The following SH3RF3 variants were observed in gnomAD, a reference collection of about 807,000 sequenced individuals.
The protein encoded by SH3RF3 is E3 ubiquitin-protein ligase SH3RF3.
SH3RF3 carries 29 observed loss-of-function variants against 66.3 expected under a neutral mutation model. That is an observed-to-expected ratio of 0.44 (90% CI 0.33 to 0.60). The LOEUF is 0.60. Ranked by LOEUF, SH3RF3 falls within the 20% of genes least tolerant of loss-of-function variation. The pLI, the probability that SH3RF3 is intolerant of heterozygous loss-of-function variation, is 0.04. For synonymous variants in SH3RF3, 583 were observed against 532.0 expected (o/e 1.10, Z -1.32); for missense variants, 1,194 against 1,190.9 (o/e 1.00, Z -0.04).
At chr2:109,320,719 A>G (rs1293955272) in intron 1 of SH3RF3, among the ~76,000 whole-genome samples, 1 of 152,238 alleles carries the variant, frequency 6.6e-6, no homozygotes, top group East Asian at 1.9e-4. Context: ...AGCCCCGCAG[A>G]TGAACAGACA....
intron 3 of SH3RF3, among the ~76,000 whole-genome samples, chr2:109,374,289 T>C (rs906776011): frequency 4.6e-5 from 7 of 152,256 alleles, no homozygotes; most frequent in Admixed American, 2.6e-4. Flanking sequence ...CATGCAGTAC[T>C]GGGCTCCACG....
chr2:109,394,497 C>T (rs1676088100), intron 3 of SH3RF3, among the ~76,000 whole-genome samples: 1 of 152,212 alleles, frequency 6.6e-6, no homozygotes, highest in Admixed American at 6.5e-5. Flanking sequence ...CACACCTGCA[C>T]AGGTACCAGG....
intron 1 of SH3RF3, among the ~76,000 whole-genome samples, chr2:109,191,253 GT>G (rs2105023373): frequency 6.6e-6 from 1 of 152,294 alleles, no homozygotes; most frequent in South Asian, 2.1e-4. Flanking sequence ...CGGGAAGGTT[GT>G]TTCTGACATC....
intron 1 of SH3RF3, among the ~76,000 whole-genome samples, chr2:109,288,384 A>G (rs1228174636): frequency 2.6e-5 from 4 of 152,198 alleles, no homozygotes; most frequent in African/African-American, 7.2e-5. Flanking sequence ...ATTCTCATCT[A>G]AAGACCAGTT....
chr2:109,268,504 T>C (rs973701815), intron 1 of SH3RF3, among the ~76,000 whole-genome samples: 1 of 152,134 alleles, frequency 6.6e-6, no homozygotes, highest in Non-Finnish European at 1.5e-5. Context: ...CCAAGCAACC[T>C]CTGTCCAGCA....
chr2:109,365,050 T>A (rs1360095782), intron 2 of SH3RF3, among the ~76,000 whole-genome samples: 1 of 121,018 alleles, frequency 8.3e-6, no homozygotes, highest in South Asian at 2.9e-4. Context: ...CACACACATA[T>A]AAAACAAACA....
chr2:109,343,744 CTT>C (rs35606755), intron 1 of SH3RF3, among the ~76,000 whole-genome samples: 2 of 143,766 alleles, frequency 1.4e-5, no homozygotes, highest in African/African-American at 2.6e-5. Context: ...CCCTGGTTTC[CTT>C]TTTTTTTTTT....
At chr2:109,407,734 G>A (rs1463248810) in intron 4 of SH3RF3, among the ~76,000 whole-genome samples, 1 of 117,344 alleles carries the variant, frequency 8.5e-6, no homozygotes, top group East Asian at 2.3e-4. Flanking sequence ...TACCAAGTGA[G>A]CCTGGGATGA....
intron 2 of SH3RF3, among the ~76,000 whole-genome samples, chr2:109,364,736 A>T (rs1423202042): frequency 6.6e-6 from 1 of 152,146 alleles, no homozygotes; most frequent in Non-Finnish European, 1.5e-5. Context: ...GTGAAACAGG[A>T]TGGCTACAGT....
intron 2 of SH3RF3, among the ~76,000 whole-genome samples, chr2:109,364,414 C>T (rs984425301): frequency 2.0e-5 from 3 of 152,200 alleles, no homozygotes; most frequent in Non-Finnish European, 4.4e-5. Context: ...GTATGTGAAT[C>T]ATAGTTGTTT....
chr2:109,473,700 G>A (rs1678589019), intron 8 of SH3RF3, among the ~76,000 whole-genome samples: 1 of 151,902 alleles, frequency 6.6e-6, no homozygotes, highest in Non-Finnish European at 1.5e-5. Context: ...CTGCTGCCGT[G>A]CCCAGCTCAC....
At chr2:109,333,160 G>A (rs941968532) in intron 1 of SH3RF3, among the ~76,000 whole-genome samples, 17 of 152,162 alleles carry the variant, frequency 1.1e-4, no homozygotes, top group Non-Finnish European at 1.9e-4. Flanking sequence ...TCTTGCTCGC[G>A]GCAGCACCAG....
At chr2:109,455,486 A>G (rs986732338) in intron 8 of SH3RF3, among the ~76,000 whole-genome samples, 1 of 151,992 alleles carries the variant, frequency 6.6e-6, no homozygotes, top group African/African-American at 2.4e-5. Context: ...ACATGTGTGC[A>G]CCCACCCATT....
At chr2:109,478,507 A>G (rs1010621367) in intron 8 of SH3RF3, among the ~76,000 whole-genome samples, 1 of 152,222 alleles carries the variant, frequency 6.6e-6, no homozygotes, top group Admixed American at 6.5e-5. Context: ...TTCCATGAAA[A>G]TGTACTGAGG....
chr2:109,194,045 T>C (rs556432178), intron 1 of SH3RF3, among the ~76,000 whole-genome samples: 2 of 152,356 alleles, frequency 1.3e-5, no homozygotes, highest in East Asian at 3.9e-4. Flanking sequence ...TCTGCCTGTG[T>C]GTGTGCACAG....
intron 4 of SH3RF3, among the ~76,000 whole-genome samples, chr2:109,415,294 G>A (rs565693342): frequency 5.3e-5 from 8 of 152,338 alleles, no homozygotes; most frequent in Non-Finnish European, 1.0e-4. Context: ...CTAACACCAC[G>A]GTGTGGTGGC....
chr2:109,431,879 A>G (rs137926125), intron 5 of SH3RF3, among the ~76,000 whole-genome samples: 1 of 152,294 alleles, frequency 6.6e-6, no homozygotes, highest in African/African-American at 2.4e-5. Flanking sequence ...TCAAAAAAAA[A>G]AAGGTCAAGT....
At chr2:109,147,147 A>G (rs188038195) in intron 1 of SH3RF3, among the ~76,000 whole-genome samples, 134 of 152,020 alleles carry the variant, frequency 8.8e-4, no homozygotes, top group African/African-American at 3.2e-3. Flanking sequence ...TTTTGTCCAA[A>G]AGACAGAGGT....
At chr2:109,140,703 T>C (rs1224529269) in intron 1 of SH3RF3, among the ~76,000 whole-genome samples, 1 of 152,220 alleles carries the variant, frequency 6.6e-6, no homozygotes, top group Non-Finnish European at 1.5e-5. Context: ...TTTAGATTTA[T>C]GGGAAATAGA....
Sources: allele counts gnomAD v4.1 joint callset (sites outside exome capture counted in the v4.1 genomes callset), GRCh38; gene constraint gnomAD v4.1.1; transcripts MANE v1.5; gene names NCBI Gene and HGNC (gene_info 2026-07-23, HGNC 2026-07-21).